Variants in SPMIP11 observed in about 807,000 individuals in gnomAD.
SPMIP11 encodes sperm microtubule inner protein 11.
the SPMIP11 span, among the ~76,000 whole-genome samples, chr12:48,755,256 C>T: frequency 6.6e-6 from 1 of 152,116 alleles, no homozygotes; most frequent in South Asian, 2.1e-4. Context: ...TATGGCAACC[C>T]CCAATTTGTG....
the SPMIP11 span, among the ~76,000 whole-genome samples, chr12:48,755,329 C>A: frequency 6.6e-6 from 1 of 152,176 alleles, no homozygotes; most frequent in Non-Finnish European, 1.5e-5. Context: ...CCATGCAGAG[C>A]ATGGCGTTAA....
At chr12:48,766,620 T>A in the SPMIP11 span, 1 of 152,642 alleles carries the variant, frequency 6.6e-6, no homozygotes, top group Admixed American at 6.5e-5. Context: ...CCATGACTAA[T>A]GAAGTACCTG....
the SPMIP11 span, among the ~76,000 whole-genome samples, chr12:48,744,278 C>T: frequency 1.4e-5 from 2 of 147,962 alleles, no homozygotes; most frequent in South Asian, 2.1e-4. Flanking sequence ...GTGTGGTACA[C>T]GCCTGTAATC....
the SPMIP11 span, among the ~76,000 whole-genome samples, chr12:48,769,413 CAA>C: frequency 0.034 from 1,312 of 38,796 alleles, 10 homozygotes; most frequent in African/African-American, 0.1. Flanking sequence ...ATCCCCATCT[CAA>C]AAAAAAAAAA....
At chr12:48,736,102 TC>T in the SPMIP11 span, 3 of 453,604 alleles carry the variant, frequency 6.6e-6, no homozygotes, top group African/African-American at 6.0e-5. Context: ...TTTTTGTTTA[TC>T]CCTAGAGTTA....
At chr12:48,751,038 T>C in the SPMIP11 span, among the ~76,000 whole-genome samples, 12 of 152,300 alleles carry the variant, frequency 7.9e-5, no homozygotes, top group African/African-American at 2.9e-4. Flanking sequence ...GTTACTATCA[T>C]GATATTTTTA....
chr12:48,754,247 T>A, the SPMIP11 span, among the ~76,000 whole-genome samples: 472 of 151,186 alleles, frequency 3.1e-3, 5 homozygotes, highest in Admixed American at 6.2e-3. Flanking sequence ...CAAAAAAAAA[T>A]TTTTTTAATT....
chr12:48,765,746 G>A, the SPMIP11 span: 1 of 695,408 alleles, frequency 1.4e-6, no homozygotes, highest in East Asian at 2.7e-5. Context: ...GCTGACTAAT[G>A]GGAGGAGGAG....
At chr12:48,771,171 G>A in the SPMIP11 span, 14 of 594,976 alleles carry the variant, frequency 2.4e-5, no homozygotes, top group African/African-American at 3.7e-5. This position sits in a 1 kb window ranked among gnomAD's most constrained non-coding sequence, Gnocchi z 4.3. Context: ...TGGGCATACA[G>A]CTTCAGAAGG....
the SPMIP11 span, among the ~76,000 whole-genome samples, chr12:48,753,806 G>T: frequency 5.4e-5 from 8 of 148,432 alleles, no homozygotes; most frequent in Non-Finnish European, 8.9e-5. Flanking sequence ...GGGTTCAAGT[G>T]ATTCTCCTGC....
At chr12:48,751,968 G>A in the SPMIP11 span, among the ~76,000 whole-genome samples, 4 of 151,470 alleles carry the variant, frequency 2.6e-5, no homozygotes, top group African/African-American at 9.7e-5. Flanking sequence ...TTGGGAGGCC[G>A]AGGCATGAGA....
the SPMIP11 span, among the ~76,000 whole-genome samples, chr12:48,729,707 TAA>T: frequency 0.031 from 3,503 of 112,390 alleles, 162 homozygotes; most frequent in African/African-American, 0.11. Flanking sequence ...AGACTCCGTC[TAA>T]AAAAAAAAAA....
At chr12:48,756,724 A>C in the SPMIP11 span, among the ~76,000 whole-genome samples, 1 of 152,068 alleles carries the variant, frequency 6.6e-6, no homozygotes, top group African/African-American at 2.4e-5. Context: ...CCAGGAATAC[A>C]GAATCGAGGC....
the SPMIP11 span, among the ~76,000 whole-genome samples, chr12:48,761,672 A>G: frequency 7.3e-5 from 11 of 151,662 alleles, no homozygotes; most frequent in Non-Finnish European, 8.8e-5. Context: ...AAAAAATACA[A>G]ATAAAAATAA....
the SPMIP11 span, among the ~76,000 whole-genome samples, chr12:48,747,433 A>G: frequency 6.6e-6 from 1 of 152,152 alleles, no homozygotes; most frequent in African/African-American, 2.4e-5. Flanking sequence ...TCAAAGCCAA[A>G]ACTGTAGCAG....
At chr12:48,749,278 C>A in the SPMIP11 span, among the ~76,000 whole-genome samples, 1 of 143,134 alleles carries the variant, frequency 7.0e-6, no homozygotes, top group Non-Finnish European at 1.5e-5. Context: ...AAAAAAAAAT[C>A]TTCTTCCATC....
At chr12:48,756,931 ACTC>A in the SPMIP11 span, among the ~76,000 whole-genome samples, 1 of 151,172 alleles carries the variant, frequency 6.6e-6, no homozygotes, top group Non-Finnish European at 1.5e-5. Context: ...CGTGAACACT[ACTC>A]CTGGCTAATT....
chr12:48,770,025 T>G, the SPMIP11 span, among the ~76,000 whole-genome samples: 1 of 151,594 alleles, frequency 6.6e-6, no homozygotes, highest in East Asian at 1.9e-4. Context: ...ACTCCCAAAG[T>G]GCTGGGATTA....
chr12:48,761,603 C>T, the SPMIP11 span, among the ~76,000 whole-genome samples: 15 of 147,416 alleles, frequency 1.0e-4, no homozygotes, highest in Admixed American at 2.0e-4. Context: ...CAGAGCAAGA[C>T]CCTGTCTTTA....
Sources: gnomAD v4.1 joint callset for allele counts (sites outside exome capture counted in the v4.1 genomes callset) on GRCh38, gnomAD v4.1.1 for gene constraint, Gnocchi (gnomAD v3.1) non-coding constraint, MANE v1.5 for transcripts, NCBI Gene and HGNC (gene_info 2026-07-23, HGNC 2026-07-21) for gene names.